Variants in ENOX1 observed in about 807,000 individuals in gnomAD.
ENOX1 encodes ecto-NOX disulfide-thiol exchanger 1, also known as candidate growth-related and time keeping constitutive hydroquinone (NADH) oxidase.
ENOX1 carries 42 observed loss-of-function variants against 82.5 expected under a neutral mutation model. The observed-to-expected ratio is 0.51, with a 90% CI of 0.40 to 0.66. ENOX1 has a LOEUF of 0.66. Ranked by LOEUF, ENOX1 falls within the 30% of genes least tolerant of loss-of-function variation. The pLI is 0.00. For synonymous variants in ENOX1, 271 were observed against 282.2 expected, an observed-to-expected ratio of 0.96 and a Z score of 0.40; for missense variants, 608 against 811.6, an observed-to-expected ratio of 0.75 and a Z score of 3.05.
chr13:43,340,098 G>C (rs1021422457), intron 9 of ENOX1, among the ~76,000 whole-genome samples: 1 of 152,204 alleles, frequency 6.6e-6, no homozygotes, highest in Non-Finnish European at 1.5e-5. Context: ...GGAAAGGAGA[G>C]GCATTTGGAT....
intron 12 of ENOX1, among the ~76,000 whole-genome samples, chr13:43,270,541 AG>A (rs2044625588): frequency 6.6e-6 from 1 of 152,186 alleles, no homozygotes; most frequent in Admixed American, 6.5e-5. Context: ...CTGCCTGGCC[AG>A]TTCCTAACCA....
chr13:43,734,311 C>T (rs1291090670), intron 1 of ENOX1, among the ~76,000 whole-genome samples: 1 of 152,110 alleles, frequency 6.6e-6, no homozygotes, highest in African/African-American at 2.4e-5. Flanking sequence ...GTGTTCCATT[C>T]TTTTACCTGC....
chr13:43,303,594 G>A (rs2046703626), intron 11 of ENOX1, among the ~76,000 whole-genome samples: 1 of 152,130 alleles, frequency 6.6e-6, no homozygotes, highest in Non-Finnish European at 1.5e-5. Context: ...AATAGGCTTG[G>A]GTCTCTGAGT....
intron 12 of ENOX1, among the ~76,000 whole-genome samples, chr13:43,277,843 T>G (rs1186271017): frequency 6.6e-6 from 1 of 152,022 alleles, no homozygotes; most frequent in Non-Finnish European, 1.5e-5. Flanking sequence ...ATGAAAAATC[T>G]CCAAAGGGAG....
At position 43,399,074 on chromosome 13, in the gene ENOX1, A is replaced by T. The variant is rs75800418; in HGVS notation, c.208+12842T>A. 3.1e-3 allele frequency among the ~76,000 whole-genome samples: 466 copies of T among 151,698 alleles called. 1 individual carries two copies. The highest frequency in any genetic ancestry group is 0.017 in the Middle Eastern group (5 of 294). ...CTCCCAAAGTGCTGGGATTGTAGGC[A>T]CTGGGCCCAGCCCCTTCCTTATCAT... is the stretch of plus-strand genomic sequence containing the variant. On this transcript the variant is annotated intron_variant, in intron 5 of 16. Coordinates refer to ENST00000690772, the MANE Select transcript of ENOX1 (RefSeq NM_001347969.2).
At chr13:43,267,257 AGGTTTG>A (rs2044432457) in intron 13 of ENOX1, among the ~76,000 whole-genome samples, 1 of 152,130 alleles carries the variant, frequency 6.6e-6, no homozygotes, top group African/African-American at 2.4e-5. Flanking sequence ...GATGAAACTG[AGGTTTG>A]TGAACAAGCT....
At chr13:43,678,069 A>T (rs538315375) in intron 1 of ENOX1, among the ~76,000 whole-genome samples, 1 of 152,290 alleles carries the variant, frequency 6.6e-6, no homozygotes, top group Non-Finnish European at 1.5e-5. Flanking sequence ...GTGCTATACA[A>T]ATGTGCATAC....
At chr13:43,615,813 A>G (rs11617773) in intron 2 of ENOX1, among the ~76,000 whole-genome samples, 62,084 of 150,748 alleles carry the variant, frequency 0.41, 13,956 homozygotes, top group Middle Eastern at 0.57. Context: ...TCTTTGTTCA[A>G]CTCCCACTTA....
intron 1 of ENOX1, among the ~76,000 whole-genome samples, chr13:43,722,693 ATTAC>A (rs1383858694): frequency 1.3e-5 from 2 of 152,158 alleles, no homozygotes; most frequent in East Asian, 3.9e-4. Context: ...AGTGGGTAAA[ATTAC>A]TCTTATCACT....
chr13:43,764,414 C>G (rs898165362), intron 1 of ENOX1, among the ~76,000 whole-genome samples: 4 of 152,128 alleles, frequency 2.6e-5, no homozygotes, highest in African/African-American at 9.7e-5. Flanking sequence ...ACAGCACAAC[C>G]AGGAGCCAGG....
At chr13:43,661,497 A>AAGAGACAT (rs2084726821) in intron 2 of ENOX1, among the ~76,000 whole-genome samples, 2 of 152,228 alleles carry the variant, frequency 1.3e-5, no homozygotes, top group Non-Finnish European at 2.9e-5. Context: ...GTAGACAACA[A>AAGAGACAT]AGAGACATTG....
chr13:43,474,936 A>G (rs751735077), intron 3 of ENOX1, among the ~76,000 whole-genome samples: 1 of 152,126 alleles, frequency 6.6e-6, no homozygotes, highest in Non-Finnish European at 1.5e-5. Flanking sequence ...CTACCCACAG[A>G]GAAAGGGAGA....
intron 5 of ENOX1, among the ~76,000 whole-genome samples, chr13:43,376,124 T>C (rs1477936442): frequency 6.6e-6 from 1 of 152,230 alleles, no homozygotes; most frequent in East Asian, 1.9e-4. Context: ...ATTATTTTTT[T>C]TTACTATAAC....
chr13:43,351,324 T>C (rs535865903), intron 8 of ENOX1, among the ~76,000 whole-genome samples: 34 of 152,316 alleles, frequency 2.2e-4, no homozygotes, highest in African/African-American at 7.5e-4. Flanking sequence ...GCTGTAAAAA[T>C]GAGAAAATTA....
intron 14 of ENOX1, among the ~76,000 whole-genome samples, chr13:43,237,567 A>G (rs1035891716): frequency 2.0e-5 from 3 of 152,226 alleles, no homozygotes; most frequent in African/African-American, 7.2e-5. Flanking sequence ...GGACTAGTAT[A>G]TGAGCAGTGG....
chr13:43,778,416 G>T (rs974666690), intron 1 of ENOX1, among the ~76,000 whole-genome samples: 1 of 152,086 alleles, frequency 6.6e-6, no homozygotes, highest in African/African-American at 2.4e-5. Flanking sequence ...AGGAAAAAAA[G>T]CAACCCCACC....
chr13:43,729,601 C>T (rs970343745), intron 1 of ENOX1, among the ~76,000 whole-genome samples: 1 of 152,152 alleles, frequency 6.6e-6, no homozygotes, highest in African/African-American at 2.4e-5. Context: ...GTAACAGCAG[C>T]CTTGGGTTAA....
chr13:43,699,208 A>G (rs2086790198), intron 1 of ENOX1, among the ~76,000 whole-genome samples: 1 of 152,228 alleles, frequency 6.6e-6, no homozygotes, highest in Non-Finnish European at 1.5e-5. Context: ...GCATCAGCTA[A>G]GAAATGACTT....
At chr13:43,362,655 G>A (rs144157021) in intron 5 of ENOX1, among the ~76,000 whole-genome samples, 1 of 152,274 alleles carries the variant, frequency 6.6e-6, no homozygotes, top group East Asian at 1.9e-4. Context: ...GGCTGGAGGA[G>A]CCCAGAAGCA....
Sources: allele counts gnomAD v4.1 joint callset (sites outside exome capture counted in the v4.1 genomes callset), GRCh38; gene constraint gnomAD v4.1.1; transcripts MANE v1.5; gene names NCBI Gene and HGNC (gene_info 2026-07-23, HGNC 2026-07-21).